SCAPER: variants seen among roughly 807,000 people sequenced by gnomAD.
SCAPER encodes S phase cyclin A-associated protein in the endoplasmic reticulum.
A neutral mutation model predicts 182.2 loss-of-function variants in SCAPER; 98 were observed. The ratio of observed to expected loss-of-function variants is 0.54; its 90% confidence interval spans 0.46 to 0.64. SCAPER has a LOEUF of 0.64. SCAPER is among the 30% of genes least tolerant of loss of function. SCAPER has a pLI of 0.00. For synonymous variants in SCAPER, 605 were observed against 564.6 expected, an observed-to-expected ratio of 1.07 and a Z score of -1.01; for missense variants, 1,432 against 1,690.0, an observed-to-expected ratio of 0.85 and a Z score of 2.68.
intron 25 of SCAPER, among the ~76,000 whole-genome samples, chr15:76,452,857 T>TA (rs112132013): frequency 0.024 from 3,629 of 152,152 alleles, 145 homozygotes; most frequent in African/African-American, 0.082. Flanking sequence ...TTTTTTTTTT[T>TA]AGAGATAGAG....
chr15:76,899,945 T>C (rs982982020), intron 1 of SCAPER, among the ~76,000 whole-genome samples: 3 of 152,228 alleles, frequency 2.0e-5, no homozygotes, highest in African/African-American at 7.2e-5. Context: ...TGTTACTGTG[T>C]CTGTGTAGAA....
intron 20 of SCAPER, among the ~76,000 whole-genome samples, chr15:76,680,889 C>CT (rs2057664324): frequency 6.6e-6 from 1 of 152,134 alleles, no homozygotes; most frequent in South Asian, 2.1e-4. Flanking sequence ...TCTTCTGAAG[C>CT]AACACAAAAA....
chr15:76,538,591 G>A (rs1271963516), intron 23 of SCAPER, among the ~76,000 whole-genome samples: 1 of 152,124 alleles, frequency 6.6e-6, no homozygotes, highest in Non-Finnish European at 1.5e-5. Context: ...GGGAGGGATA[G>A]CATTAGGAGA....
Position 76,603,991 on chromosome 15 carries a change from G to A in SCAPER, c.2711+17773C>T, listed in dbSNP as rs1173675806. Among the ~76,000 whole-genome samples, 2 of 121,010 alleles carry A rather than the reference G, an allele frequency of 1.7e-5. 1 individual carries two copies. Among genetic ancestry groups the A allele is most frequent in the Admixed American group, 1.9e-4 (2 of 10,692 alleles). The allele number at this position is 121,010 out of a possible 152,430, so 79.4% of individuals were successfully genotyped here. On this transcript the variant is annotated intron_variant, in intron 22 of 31. Coordinates refer to ENST00000563290, the MANE Select transcript of SCAPER (RefSeq NM_020843.4). ...CTGTAGGTTGCCTGTTCAGTCTGATGGTAGTTTCTTTTGCTGTGCAGAAGC... is the reference window on the plus strand; with the variant it reads ...CTGTAGGTTGCCTGTTCAGTCTGATAGTAGTTTCTTTTGCTGTGCAGAAGC...
At chr15:76,555,911 C>T (rs1879335647) in intron 23 of SCAPER, among the ~76,000 whole-genome samples, 1 of 152,110 alleles carries the variant, frequency 6.6e-6, no homozygotes, top group African/African-American at 2.4e-5. Flanking sequence ...ACTGTCCTCC[C>T]CCAAATAACA....
chr15:76,564,644 C>T (rs1567471001), intron 23 of SCAPER, among the ~76,000 whole-genome samples: 1 of 152,000 alleles, frequency 6.6e-6, no homozygotes, highest in Non-Finnish European at 1.5e-5. Flanking sequence ...TGATATTCTT[C>T]ACAGAACTAA....
Position 76,654,161 on chromosome 15 carries a change from G to C in SCAPER, c.2645+11492C>G, listed in dbSNP as rs537187688. ...AAAACCACAATGAGCCCAGCACTTT[G>C]GGAGGCCAAGGCGGGCTGATCACGA... On this transcript the variant is annotated intron_variant, in intron 21 of 31. Transcript: ENST00000563290. Among the ~76,000 whole-genome samples, 6 of 152,164 alleles carry C rather than the reference G, an allele frequency of 3.9e-5. No homozygotes were observed. In the South Asian group the frequency reaches 1.2e-3, roughly 32 times the overall value.
chr15:76,653,469 T>TA (rs769517732), intron 21 of SCAPER, among the ~76,000 whole-genome samples: 3 of 152,092 alleles, frequency 2.0e-5, no homozygotes, highest in Non-Finnish European at 4.4e-5. Context: ...AGCTATACTA[T>TA]AAAGCCACAG....
At chr15:76,439,087 AT>A (rs547381211) in intron 25 of SCAPER, among the ~76,000 whole-genome samples, 122 of 146,646 alleles carry the variant, frequency 8.3e-4, no homozygotes, top group Admixed American at 1.0e-3. Context: ...AGACAAAATG[AT>A]TTTTTTTTTT....
intron 16 of SCAPER, among the ~76,000 whole-genome samples, chr15:76,730,303 G>C (rs1191659988): frequency 6.6e-6 from 1 of 151,490 alleles, no homozygotes; most frequent in Non-Finnish European, 1.5e-5. Context: ...TTTTTGAGGG[G>C]GTAGGTGGTA....
chr15:76,486,034 C>T (rs559646451), intron 24 of SCAPER, among the ~76,000 whole-genome samples: 13 of 151,962 alleles, frequency 8.6e-5, no homozygotes, highest in Admixed American at 2.6e-4. Flanking sequence ...GGTGAAACCC[C>T]GTCTCTACCA....
chr15:76,775,724 T>C (rs1421770811), intron 8 of SCAPER, among the ~76,000 whole-genome samples: 1 of 152,256 alleles, frequency 6.6e-6, no homozygotes, highest in South Asian at 2.1e-4. Context: ...GATAAAATTA[T>C]AGGATATTAA....
chr15:76,449,121 G>A (rs2048199341), intron 25 of SCAPER, among the ~76,000 whole-genome samples: 1 of 152,126 alleles, frequency 6.6e-6, no homozygotes, highest in African/African-American at 2.4e-5. Context: ...GTTATTCATA[G>A]GCAGCAACAA....
chr15:76,497,107 C>CTTTTTTT (rs1183094084), intron 24 of SCAPER, among the ~76,000 whole-genome samples: 4 of 8,622 alleles, frequency 4.6e-4, no homozygotes, highest in Admixed American at 1.8e-3. Flanking sequence ...TTTTGGTCTC[C>CTTTTTTT]TCTTTTTTTT....
chr15:76,363,696 T>G (rs2041609785), intron 29 of SCAPER, among the ~76,000 whole-genome samples: 1 of 152,184 alleles, frequency 6.6e-6, no homozygotes, highest in Non-Finnish European at 1.5e-5. Flanking sequence ...AAAATAGGTG[T>G]CTAGACATCT....
intron 5 of SCAPER, among the ~76,000 whole-genome samples, chr15:76,833,886 A>T (rs2068718223): frequency 6.6e-6 from 1 of 152,232 alleles, no homozygotes; most frequent in Non-Finnish European, 1.5e-5. Flanking sequence ...CTATGAAGAG[A>T]CTTAGATAAC....
chr15:76,493,169 T>C (rs1258279090), intron 24 of SCAPER, among the ~76,000 whole-genome samples: 1 of 152,180 alleles, frequency 6.6e-6, no homozygotes. Context: ...ATAAATTATA[T>C]GCATCCTAAA....
intron 30 of SCAPER, among the ~76,000 whole-genome samples, chr15:76,353,211 A>T (rs887273519): frequency 6.6e-6 from 1 of 152,254 alleles, no homozygotes; most frequent in African/African-American, 2.4e-5. Flanking sequence ...AAGACCAGAA[A>T]GTACTGTCTA....
intron 17 of SCAPER, among the ~76,000 whole-genome samples, chr15:76,711,364 A>T (rs1016517131): frequency 1.1e-4 from 16 of 152,208 alleles, no homozygotes; most frequent in African/African-American, 3.9e-4. Context: ...AAAAATGAGC[A>T]CAAGCTTTGA....
Sources: gnomAD v4.1 joint callset for allele counts (sites outside exome capture counted in the v4.1 genomes callset) on GRCh38, gnomAD v4.1.1 for gene constraint, MANE v1.5 for transcripts, NCBI Gene and HGNC (gene_info 2026-07-23, HGNC 2026-07-21) for gene names.